Variants in SUPT3H observed in about 807,000 individuals in gnomAD.
SUPT3H encodes transcription initiation protein SPT3 homolog.
A neutral mutation model predicts 44.3 loss-of-function variants in SUPT3H; 44 were observed. That is an observed-to-expected ratio of 0.99 (90% confidence interval 0.78 to 1.28). The LOEUF (loss-of-function observed/expected upper bound fraction) is 1.28. SUPT3H is among the 50% of genes most tolerant of loss of function. The pLI, the probability that SUPT3H is intolerant of heterozygous loss-of-function variation, is 0.00. For missense variants in SUPT3H, 380 were observed against 387.1 expected (o/e 0.98, Z 0.15); for synonymous variants, 124 against 125.6 (o/e 0.99, Z 0.09).
At chr6:44,925,694 C>T (rs529148952) in intron 10 of SUPT3H, among the ~76,000 whole-genome samples, 15 of 152,220 alleles carry the variant, frequency 9.9e-5, no homozygotes, top group East Asian at 7.7e-4. Context: ...TGTCTGACCA[C>T]CTTCCCTGTG....
chr6:44,924,128 C>T (rs1052975290), intron 10 of SUPT3H, among the ~76,000 whole-genome samples: 5 of 152,024 alleles, frequency 3.3e-5, no homozygotes, highest in African/African-American at 9.7e-5. Context: ...TATATTGATT[C>T]CCTCTAAACA....
chr6:45,160,209 C>T lies in SUPT3H; in HGVS notation c.102-54203G>A, dbSNP rs898135359. Among the ~76,000 whole-genome samples the T allele has an allele frequency of 2.6e-5, 4 of 152,120 alleles. 1 individual carries two copies. Among genetic ancestry groups the T allele is most frequent in the Admixed American group, 6.6e-5 (1 of 15,254 alleles). Reference sequence around the variant, plus strand: ...TTCTTGTCAAAGAAATACAAACTCACTAAAATGTTGTTTATTTTGAAAAAT... The same window carrying T: ...TTCTTGTCAAAGAAATACAAACTCATTAAAATGTTGTTTATTTTGAAAAAT... On this transcript the variant is annotated intron_variant, in intron 2 of 10. Transcript: ENST00000371459.
At chr6:45,077,125 C>A (rs1795095511) in intron 3 of SUPT3H, among the ~76,000 whole-genome samples, 1 of 152,126 alleles carries the variant, frequency 6.6e-6, no homozygotes, top group African/African-American at 2.4e-5. Flanking sequence ...AATGATTTCC[C>A]CCACGAAGCT....
intron 2 of SUPT3H, among the ~76,000 whole-genome samples, chr6:45,259,905 A>G (rs890600470): frequency 6.6e-6 from 1 of 152,180 alleles, no homozygotes; most frequent in Non-Finnish European, 1.5e-5. Context: ...TAACCTTTAA[A>G]CATATAAATT....
At chr6:45,089,221 T>C (rs1796844470) in intron 3 of SUPT3H, among the ~76,000 whole-genome samples, 1 of 152,062 alleles carries the variant, frequency 6.6e-6, no homozygotes, top group Non-Finnish European at 1.5e-5. Flanking sequence ...CCCATTCATT[T>C]CAAAGCATTA....
intron 3 of SUPT3H, among the ~76,000 whole-genome samples, chr6:45,065,619 A>G (rs924737555): frequency 4.0e-5 from 6 of 151,308 alleles, no homozygotes; most frequent in African/African-American, 1.2e-4. Context: ...AAAAAATGAT[A>G]AAGGGGATAT....
At chr6:44,978,803 G>C (rs1778696291) in intron 6 of SUPT3H, among the ~76,000 whole-genome samples, 1 of 152,140 alleles carries the variant, frequency 6.6e-6, no homozygotes, top group Non-Finnish European at 1.5e-5. Context: ...TGTCAGAACA[G>C]GCTAAAAACC....
chr6:45,360,983 T>C (rs1794149959), intron 2 of SUPT3H, among the ~76,000 whole-genome samples: 2 of 152,278 alleles, frequency 1.3e-5, no homozygotes, highest in East Asian at 3.9e-4. Context: ...ACTCAGTGAA[T>C]GATTTTTAGC....
At chr6:44,820,140 G>A (rs1302976841) in intron 11 of SUPT3H, among the ~76,000 whole-genome samples, 1 of 152,140 alleles carries the variant, frequency 6.6e-6, no homozygotes, top group Non-Finnish European at 1.5e-5. Context: ...GATCATTTGA[G>A]CCCAGGAGGC....
At chr6:45,201,698 C>A (rs1762478528) in intron 2 of SUPT3H, among the ~76,000 whole-genome samples, 1 of 151,752 alleles carries the variant, frequency 6.6e-6, no homozygotes, top group African/African-American at 2.4e-5. Context: ...GAACTTCCAG[C>A]CAAATCTTCA....
intron 2 of SUPT3H, among the ~76,000 whole-genome samples, chr6:45,341,498 A>G (rs1472686231): frequency 6.6e-6 from 1 of 152,208 alleles, no homozygotes. Flanking sequence ...ATACATATGC[A>G]AGTATAAAGT....
chr6:44,995,937 T>C (rs1362816654), intron 6 of SUPT3H, among the ~76,000 whole-genome samples: 1 of 151,966 alleles, frequency 6.6e-6, no homozygotes, highest in Non-Finnish European at 1.5e-5. Flanking sequence ...TATTTCTCCT[T>C]GCAGCCTTAA....
At chr6:45,128,551 TATATATAC>T (rs1231282782) in intron 2 of SUPT3H, among the ~76,000 whole-genome samples, 3,356 of 68,002 alleles carry the variant, frequency 0.049, 117 homozygotes, top group Non-Finnish European at 0.067. Context: ...TATATATATA[TATATATAC>T]ACACACACAC....
At chr6:45,355,908 T>G (rs968033178) in intron 2 of SUPT3H, among the ~76,000 whole-genome samples, 2 of 152,090 alleles carry the variant, frequency 1.3e-5, no homozygotes, top group Non-Finnish European at 2.9e-5. Context: ...AAAATTTAAT[T>G]TCCCCCCCTT....
rs937462538 is a variant in SUPT3H at position 45,290,161 on chromosome 6, C to G, written c.101+75040G>C. 3.3e-5 allele frequency among the ~76,000 whole-genome samples: 5 copies of G among 151,880 alleles called. No homozygotes were observed. The South Asian group carries it at 6.2e-4, about 19-fold the overall frequency. On this transcript the variant is annotated intron_variant, in intron 2 of 10. Coordinates refer to ENST00000371459, the MANE Select transcript of SUPT3H (RefSeq NM_003599.4). ...TGCCACTGCACTCCAACCTGGGCAA[C>G]AGAGTGAGACCCCGTCTCAAAAAAA...
intron 2 of SUPT3H, among the ~76,000 whole-genome samples, chr6:45,214,772 C>T (rs1283952481): frequency 6.6e-6 from 1 of 152,142 alleles, no homozygotes; most frequent in African/African-American, 2.4e-5. Context: ...TCACTTGAGC[C>T]AAGGAGTTTG....
chr6:45,019,079 A>C (rs183765715), intron 4 of SUPT3H, among the ~76,000 whole-genome samples: 2,952 of 152,028 alleles, frequency 0.019, 58 homozygotes, highest in South Asian at 0.085. Flanking sequence ...GTCTTGGGAG[A>C]GTGTATCTGT....
At chr6:44,847,404 C>CT (rs1772055320) in intron 10 of SUPT3H, among the ~76,000 whole-genome samples, 1 of 152,150 alleles carries the variant, frequency 6.6e-6, no homozygotes, top group African/African-American at 2.4e-5. Flanking sequence ...TTACGTATAC[C>CT]TATCGCCACT....
At chr6:45,119,691 TA>T (rs1464435253) in intron 2 of SUPT3H, among the ~76,000 whole-genome samples, 1 of 152,072 alleles carries the variant, frequency 6.6e-6, no homozygotes, top group Non-Finnish European at 1.5e-5. Flanking sequence ...GGTTATGCAG[TA>T]AAAGATGCCA....
Sources: gnomAD v4.1 joint callset for allele counts (sites outside exome capture counted in the v4.1 genomes callset) on GRCh38, gnomAD v4.1.1 for gene constraint, MANE v1.5 for transcripts, NCBI Gene and HGNC (gene_info 2026-07-23, HGNC 2026-07-21) for gene names.